MIR2052HG: variants seen among roughly 807,000 people sequenced by gnomAD.
MIR2052HG encodes the protein MIR2052 host gene.
At chr8:74,652,263 A>G (rs1460181661) in intron 2 of MIR2052HG, among the ~76,000 whole-genome samples, 1 of 152,202 alleles carries the variant, frequency 6.6e-6, no homozygotes, top group East Asian at 1.9e-4. Flanking sequence ...TTAGGTTTGA[A>G]TGTGGCCATA....
intron 2 of MIR2052HG, among the ~76,000 whole-genome samples, chr8:74,628,468 G>T (rs1808465571): frequency 6.6e-6 from 1 of 152,208 alleles, no homozygotes; most frequent in Non-Finnish European, 1.5e-5. Context: ...GATGTGGAAG[G>T]TTGTGGTGGT....
At chr8:74,603,851 A>G (rs878922316) in intron 1 of MIR2052HG, 13 of 896,366 alleles carry the variant, frequency 1.5e-5, no homozygotes, top group South Asian at 5.2e-5. Flanking sequence ...CCTGCCATCT[A>G]GACCTGAGCC....
intron 1 of MIR2052HG, among the ~76,000 whole-genome samples, chr8:74,605,949 G>A (rs577770646): frequency 4.6e-5 from 7 of 152,230 alleles, no homozygotes; most frequent in Non-Finnish European, 1.0e-4. Context: ...TTTAGCCGGC[G>A]GCCAAGAGAC....
At chr8:74,644,204 A>G (rs978402407) in intron 2 of MIR2052HG, among the ~76,000 whole-genome samples, 3 of 152,238 alleles carry the variant, frequency 2.0e-5, no homozygotes. Flanking sequence ...AACAAAATAT[A>G]GTCATGAGCC....
intron 2 of MIR2052HG, among the ~76,000 whole-genome samples, chr8:74,660,618 A>C (rs1177903550): frequency 6.6e-6 from 1 of 152,204 alleles, no homozygotes; most frequent in Non-Finnish European, 1.5e-5. Context: ...TTAGATTTTA[A>C]ATTTAGGATG....
chr8:74,634,670 ATTATCT>A (rs1808559128), intron 2 of MIR2052HG, among the ~76,000 whole-genome samples: 3 of 152,286 alleles, frequency 2.0e-5, no homozygotes, highest in Non-Finnish European at 4.4e-5. Context: ...GAGTAAAGAC[ATTATCT>A]TTAAGGAAGC....
At chr8:74,641,323 G>A (rs550310966) in intron 2 of MIR2052HG, among the ~76,000 whole-genome samples, 2 of 152,202 alleles carry the variant, frequency 1.3e-5, no homozygotes, top group South Asian at 2.1e-4. Context: ...GTGATGAGTT[G>A]TATAATTATC....
chr8:74,727,856 T>TAGGATTTTCCTTGGGATGAGTTTTG (rs1809652780), intron 4 of MIR2052HG, among the ~76,000 whole-genome samples: 1 of 150,788 alleles, frequency 6.6e-6, no homozygotes, highest in African/African-American at 2.5e-5. Context: ...TGTGGTTTTA[T>TAGGATTTTCCTTGGGATGAGTTTTG]TAAGGACTTT....
chr8:74,601,308 GTTC>G (rs1807997112), intron 1 of MIR2052HG, among the ~76,000 whole-genome samples: 3 of 152,296 alleles, frequency 2.0e-5, no homozygotes, highest in African/African-American at 4.8e-5. Context: ...CCTGGAACTT[GTTC>G]TTCTTGTTCT....
At chr8:74,642,026 T>A (rs1438977111) in intron 2 of MIR2052HG, among the ~76,000 whole-genome samples, 1 of 152,126 alleles carries the variant, frequency 6.6e-6, no homozygotes, top group East Asian at 1.9e-4. Flanking sequence ...ACTGGTGGTG[T>A]ACTATGTACT....
intron 1 of MIR2052HG, among the ~76,000 whole-genome samples, chr8:74,602,817 G>GTTTGTTTC (rs554782820): frequency 2.7e-5 from 2 of 73,786 alleles, no homozygotes; most frequent in Non-Finnish European, 2.5e-5. Context: ...GCCCGGCCGT[G>GTTTGTTTC]TTTCTTTCTT....
chr8:74,668,600 C>T (rs1004494462), intron 2 of MIR2052HG, among the ~76,000 whole-genome samples: 1 of 152,170 alleles, frequency 6.6e-6, no homozygotes, highest in East Asian at 1.9e-4. Context: ...AAATATCACT[C>T]TCTTTGGGGC....
At chr8:74,668,613 G>C (rs1481162565) in intron 2 of MIR2052HG, among the ~76,000 whole-genome samples, 1 of 152,188 alleles carries the variant, frequency 6.6e-6, no homozygotes, top group Non-Finnish European at 1.5e-5. Context: ...TTTGGGGCAT[G>C]GTGGTGGAAT....
chr8:74,753,533 A>G (rs1370077932), intron 5 of MIR2052HG, among the ~76,000 whole-genome samples: 10 of 152,152 alleles, frequency 6.6e-5, no homozygotes, highest in Admixed American at 5.9e-4. Context: ...ATTCCTTCGC[A>G]TCGTGGCCAG....
chr8:74,733,204 T>C (rs191602625), intron 4 of MIR2052HG, among the ~76,000 whole-genome samples: 5 of 152,194 alleles, frequency 3.3e-5, no homozygotes, highest in African/African-American at 9.6e-5. Context: ...TAGCATTAGG[T>C]ATCTCTCCTA....
intron 1 of MIR2052HG, among the ~76,000 whole-genome samples, chr8:74,600,192 G>A (rs868696819): frequency 1.3e-5 from 2 of 152,022 alleles, no homozygotes; most frequent in African/African-American, 2.4e-5. Context: ...CTTCTTCTGC[G>A]TCACTCACGC....
At position 74,617,566 on chromosome 8, in the gene MIR2052HG, C is replaced by T. The variant is rs376634309; in HGVS notation, n.216+4626C>T. On this transcript the variant is annotated intron_variant and non_coding_transcript_variant, in intron 2 of 6. Coordinates refer to ENST00000523442, the Ensembl canonical transcript of MIR2052HG. ...ATATATATATGTATATGTGCACATA[C>T]GTGTATATATCTGTCTCACATTTTA... Among the ~76,000 whole-genome samples the T allele has an allele frequency of 2.4e-4, 36 of 151,108 alleles. 2 individuals are homozygous for T. In the East Asian group the frequency reaches 6.0e-3, roughly 25 times the overall value.
chr8:74,656,809 A>G (rs1233349318), intron 2 of MIR2052HG, among the ~76,000 whole-genome samples: 2 of 152,196 alleles, frequency 1.3e-5, no homozygotes, highest in Non-Finnish European at 2.9e-5. Context: ...TGGTGGAAAG[A>G]TACATTTACC....
chr8:74,739,074 G>T (rs890723371), intron 4 of MIR2052HG, among the ~76,000 whole-genome samples: 1 of 152,194 alleles, frequency 6.6e-6, no homozygotes, highest in Non-Finnish European at 1.5e-5. Context: ...ATGGCAAACA[G>T]TTGCTCTTAA....
Sources: allele counts gnomAD v4.1 joint callset (sites outside exome capture counted in the v4.1 genomes callset), GRCh38; gene constraint gnomAD v4.1.1; transcripts MANE v1.5; gene names NCBI Gene and HGNC (gene_info 2026-07-23, HGNC 2026-07-21).